Variants in LIMCH1 observed in about 807,000 individuals in gnomAD.
LIMCH1 encodes the protein LIM and calponin homology domains 1.
A neutral mutation model predicts 176.5 loss-of-function variants in LIMCH1; 113 were observed. The observed-to-expected ratio is 0.64, with a 90% CI of 0.55 to 0.75. The LOEUF is 0.75. LIMCH1 is among the 30% of genes least tolerant of loss of function. LIMCH1 has a pLI of 0.00. For synonymous variants in LIMCH1, 619 were observed against 645.9 expected (o/e 0.96, Z 0.63); for missense variants, 1,674 against 1,814.9 (o/e 0.92, Z 1.41).
intron 1 of LIMCH1, among the ~76,000 whole-genome samples, chr4:41,370,620 G>A (rs1042765250): frequency 2.6e-5 from 4 of 152,180 alleles, no homozygotes; most frequent in African/African-American, 9.7e-5. Context: ...TCATAAATAG[G>A]AGGGGCCAGT....
At chr4:41,686,202 TGTAAG>T (rs1234379309) in intron 28 of LIMCH1, among the ~76,000 whole-genome samples, 1 of 152,202 alleles carries the variant, frequency 6.6e-6, no homozygotes, top group African/African-American at 2.4e-5. Flanking sequence ...TATGCTCTCC[TGTAAG>T]GTAATTACCT....
At chr4:41,488,488 T>A (rs2070134682) in intron 1 of LIMCH1, among the ~76,000 whole-genome samples, 2 of 152,342 alleles carry the variant, frequency 1.3e-5, no homozygotes, top group South Asian at 4.1e-4. Context: ...TTTCTTACCC[T>A]CCCTCAAATA....
At chr4:41,435,988 A>G (rs1460870378) in intron 1 of LIMCH1, among the ~76,000 whole-genome samples, 1 of 152,238 alleles carries the variant, frequency 6.6e-6, no homozygotes, top group African/African-American at 2.4e-5. Flanking sequence ...TCAGCTTCTC[A>G]AGAAATAACC....
At chr4:41,420,753 C>T (rs1259926932) in intron 1 of LIMCH1, among the ~76,000 whole-genome samples, 1 of 152,244 alleles carries the variant, frequency 6.6e-6, no homozygotes, top group Non-Finnish European at 1.5e-5. Context: ...TTCTGCTCTG[C>T]AGAGCATGGA....
chr4:41,452,513 A>G (rs986427103), intron 1 of LIMCH1, among the ~76,000 whole-genome samples: 20 of 152,158 alleles, frequency 1.3e-4, no homozygotes, highest in African/African-American at 4.6e-4. Context: ...ATCCTCATCA[A>G]CACTGGGCTT....
rs2060390361 is a variant in LIMCH1, at chr4:41,419,670, T to TTTCTTCCTTCC, written c.96+58735_96+58736insTCTTCCTTCCT. On this transcript the variant is annotated intron_variant, in intron 1 of 26. Transcript: ENST00000313860. ...TCTTCCTCCTTCCTTCCTTCCTTCC[T>TTTCTTCCTTCC]TCCTTCCTTCCTCCTTCCTTCCTTC... 2.8e-5 allele frequency among the ~76,000 whole-genome samples: 2 copies of TTTCTTCCTTCC among 70,238 alleles called. 1 individual carries two copies. The highest frequency in any genetic ancestry group is 1.6e-4 in the African/African-American group (2 of 12,392). 46.1% of individuals were successfully genotyped at this position (70,238 alleles called of 152,430 possible). A position where few individuals can be genotyped will look rare whatever the true frequency, so the allele number is the denominator to read the frequency against.
At chr4:41,566,397 A>C (rs889413946) in intron 1 of LIMCH1, among the ~76,000 whole-genome samples, 7 of 152,284 alleles carry the variant, frequency 4.6e-5, no homozygotes, top group African/African-American at 1.7e-4. Context: ...TTGAAAATTG[A>C]AATTACTCCT....
At chr4:41,560,192 CTCCATCTAGTTGT>C (rs2081885686) in intron 1 of LIMCH1, among the ~76,000 whole-genome samples, 1 of 152,132 alleles carries the variant, frequency 6.6e-6, no homozygotes, top group African/African-American at 2.4e-5. Context: ...GCACTCACCC[CTCCATCTAGTTGT>C]TCCAAAGTTC....
At chr4:41,590,244 ACC>A (rs2087265462) in intron 1 of LIMCH1, among the ~76,000 whole-genome samples, 2 of 152,038 alleles carry the variant, frequency 1.3e-5, no homozygotes, top group Non-Finnish European at 2.9e-5. Flanking sequence ...GGTGCGCACC[ACC>A]AGGCCCATCT....
At chr4:41,652,546 ATAGAG>A (rs1315916249) in intron 18 of LIMCH1, among the ~76,000 whole-genome samples, 10 of 152,202 alleles carry the variant, frequency 6.6e-5, no homozygotes, top group African/African-American at 2.2e-4. Flanking sequence ...AACTTAACTG[ATAGAG>A]TAAACATTAA....
chr4:41,503,124 A>C (rs1019107438), intron 2 of LIMCH1, among the ~76,000 whole-genome samples: 1 of 152,174 alleles, frequency 6.6e-6, no homozygotes, highest in African/African-American at 2.4e-5. Flanking sequence ...GTTGGCTACT[A>C]TTAGCTTTTA....
chr4:41,381,548 T>C (rs1352860056), intron 1 of LIMCH1, among the ~76,000 whole-genome samples: 2 of 152,196 alleles, frequency 1.3e-5, no homozygotes, highest in Admixed American at 6.5e-5. Context: ...TTCTTCTCCC[T>C]GAAGAGGTGG....
intron 4 of LIMCH1, among the ~76,000 whole-genome samples, chr4:41,608,368 G>A (rs2091003620): frequency 6.6e-6 from 1 of 152,212 alleles, no homozygotes; most frequent in Admixed American, 6.5e-5. Flanking sequence ...CAAAGACTTG[G>A]GGAAAGTAGA....
chr4:41,437,253 C>T (rs1213160740), intron 1 of LIMCH1, among the ~76,000 whole-genome samples: 2 of 152,078 alleles, frequency 1.3e-5, no homozygotes, highest in Non-Finnish European at 2.9e-5. Flanking sequence ...CCTACGTGAC[C>T]CAAGTGACCT....
At chr4:41,512,055 A>G (rs1460186420) in intron 2 of LIMCH1, among the ~76,000 whole-genome samples, 1 of 152,242 alleles carries the variant, frequency 6.6e-6, no homozygotes, top group Non-Finnish European at 1.5e-5. Flanking sequence ...TTATAACTCA[A>G]TAATAAAAAG....
chr4:41,404,423 G>A (rs1362515613), intron 1 of LIMCH1, among the ~76,000 whole-genome samples: 1 of 152,118 alleles, frequency 6.6e-6, no homozygotes, highest in Non-Finnish European at 1.5e-5. Context: ...GGATTAAGGT[G>A]GGGGCAGTGC....
chr4:41,650,799 G>C (rs2094262798), intron 18 of LIMCH1, among the ~76,000 whole-genome samples, 191 bp downstream of exon 18: 1 of 152,150 alleles, frequency 6.6e-6, no homozygotes, highest in Non-Finnish European at 1.5e-5. Flanking sequence ...CTGGTAGCTA[G>C]AAGTCCAAAA....
At chr4:41,673,836 G>A (rs2095130573) in intron 22 of LIMCH1, among the ~76,000 whole-genome samples, 1 of 152,166 alleles carries the variant, frequency 6.6e-6, no homozygotes, top group Non-Finnish European at 1.5e-5. Flanking sequence ...AGGACAAAGT[G>A]GGTTAAATGC....
At chr4:41,473,040 A>T (rs990785077) in intron 1 of LIMCH1, 69 of 985,106 alleles carry the variant, frequency 7.0e-5, no homozygotes, top group Non-Finnish European at 8.2e-5. Flanking sequence ...TCTCCACGAA[A>T]TAATAATGTA....
Sources: allele counts gnomAD v4.1 joint callset (sites outside exome capture counted in the v4.1 genomes callset), GRCh38; gene constraint gnomAD v4.1.1; transcripts MANE v1.5; gene names NCBI Gene and HGNC (gene_info 2026-07-23, HGNC 2026-07-21).